Variants in SHROOM1 observed in about 807,000 individuals in gnomAD.
SHROOM1 encodes protein Shroom1.
SHROOM1 carries 53 observed loss-of-function variants against 64.2 expected under a neutral mutation model. The observed-to-expected ratio is 0.83, with a 90% CI of 0.66 to 1.04. The LOEUF (loss-of-function observed/expected upper bound fraction) is 1.04, where lower values mean the gene tolerates loss of function less well. Among genes scored for constraint, SHROOM1 ranks in the 50% least tolerant of loss-of-function variants. SHROOM1 has a pLI of 0.00. For synonymous variants in SHROOM1, 490 were observed against 518.9 expected (o/e 0.94, Z 0.76); for missense variants, 1,179 against 1,163.2 (o/e 1.01, Z -0.20).
At chr5:132,828,077 G>T (rs1237931365) in intron 1 of SHROOM1, among the ~76,000 whole-genome samples, 1 of 152,124 alleles carries the variant, frequency 6.6e-6, no homozygotes, top group Non-Finnish European at 1.5e-5. Flanking sequence ...GGTAGGGAGT[G>T]CAGAGTAGGG....
chr5:132,829,475 C>G (rs1758788805), intron 1 of SHROOM1: 1 of 721,792 alleles, frequency 1.4e-6, no homozygotes, highest in Admixed American at 6.3e-5. Context: ...GGGGAAATAG[C>G]TGAAGACAGT....
Position 132,822,826 on chromosome 5 carries a change from A to G in SHROOM1, c.2529T>C (p.Val843=), listed in dbSNP as rs949129328. The G allele has an allele frequency of 2.5e-6, 4 of 1,611,454 alleles. No individual in the cohort carries two copies. Among genetic ancestry groups the G allele is most frequent in the Non-Finnish European group, 3.4e-6 (4 of 1,179,220 alleles). ...TAAGGAGAAGAGGGAAGGGCGGCTGAACTGGAGGACAGGTCCCTGGGGGCC... is the reference window on the plus strand; with the variant it reads ...TAAGGAGAAGAGGGAAGGGCGGCTGGACTGGAGGACAGGTCCCTGGGGGCC... The part of the protein sequence containing the change: ...PARPPGTCPP[V]QPPFPLLLT Residue 843 remains valine (V), a synonymous_variant, in exon 10 of 10, where the codon GTT becomes GTC. Coordinates refer to ENST00000378679, the MANE Select transcript of SHROOM1 (RefSeq NM_001172700.2).
rs1758805488 is a variant in SHROOM1 at position 132,830,201 on chromosome 5, G to A, written c.-501+393C>T. Reference sequence around the variant, plus strand: ...CCGTCGGGGAAGGATCGCGCGCAGGGGACAGCGCGAGCCCGGGAGGGAAGG... The same window carrying A: ...CCGTCGGGGAAGGATCGCGCGCAGGAGACAGCGCGAGCCCGGGAGGGAAGG... On this transcript the variant is annotated intron_variant, in intron 1 of 9. Coordinates refer to ENST00000378679, the MANE Select transcript of SHROOM1 (RefSeq NM_001172700.2). The surrounding 1 kb of genome is among the most constrained non-coding windows in gnomAD (Gnocchi z 5.9). 6 of 985,276 alleles carry A rather than the reference G, an allele frequency of 6.1e-6. No individual in the cohort carries two copies. Among genetic ancestry groups the A allele is most frequent in the Non-Finnish European group, 7.2e-6 (6 of 829,886 alleles). 61.0% of individuals were successfully genotyped at this position (985,276 alleles called of 1,614,324 possible).
In SHROOM1 at chr5:132,823,172, G is replaced by A. The variant is rs867781375; in HGVS notation, c.2227-44C>T. On this transcript the variant is annotated intron_variant, in intron 9 of 9. Transcript: ENST00000378679. The surrounding 1 kb of genome is among the most constrained non-coding windows in gnomAD (Gnocchi z 4.6). ...GCGCCGTGAGCCGGGTGAGGGCGCC[G>A]CCGCTCCCGGAATGGTTCCAGCCGG... The A allele has an allele frequency of 1.5e-5, 23 of 1,543,676 alleles. No individual in the cohort carries two copies. Among genetic ancestry groups the A allele is most frequent in the Non-Finnish European group, 1.8e-5 (21 of 1,154,284 alleles).
rs760115450 is a variant in SHROOM1, at chr5:132,825,486, G to A, written c.655C>T (p.Arg219Trp). The change falls in exon 4 of 10, where the codon CGG becomes TGG. Residue 219 changes from arginine (R) to tryptophan (W), a missense_variant. Transcript: ENST00000378679. This position sits in a 1 kb window ranked among gnomAD's most constrained non-coding sequence, Gnocchi z 5.1. The stretch of plus-strand genomic sequence containing the variant: ...CCTGGCTCTGAGAAGCACCACTTCC[G>A]CTGCTGGTTGGCGAGGGGACCCCGG... ...AGRGPLANQQ[R>W]KWCFSEPGKL... 3 of 1,524,292 alleles carry A rather than the reference G, an allele frequency of 2.0e-6. No homozygotes were observed. The highest frequency in any genetic ancestry group is 2.6e-6 in the Non-Finnish European group (3 of 1,140,810). The allele number at this position is 1,524,292 out of a possible 1,614,324, so 94.4% of individuals were successfully genotyped here. A position where few individuals can be genotyped will look rare whatever the true frequency, so the allele number is the denominator to read the frequency against.
chr5:132,824,824 G>T lies in SHROOM1; in HGVS notation c.1035-3C>A. On this transcript the variant is annotated splice_polypyrimidine_tract_variant and splice_region_variant and intron_variant, in intron 5 of 9. Transcript: ENST00000378679. ...CAGCCTCTTTCTGAGGCAAGAACCT[G>T]GAGGCAGGGACCCCATAGTGACCAC... The T allele has an allele frequency of 1.2e-6, 2 of 1,614,102 alleles. No individual in the cohort carries two copies. The highest frequency in any genetic ancestry group is 1.7e-6 in the Non-Finnish European group (2 of 1,180,014).
chr5:132,825,175 T>C lies in SHROOM1; in HGVS notation c.966A>G (p.Ile322Met). ...CTGACTTCCATACCTGGACAATGGG[T>C]ATGGTCCCTCCTGATCCTCCCCAGG... ...LGSWGGSGGT[I>M]PIVQAVPQGA... The change falls in exon 4 of 10, where the codon ATA becomes ATG. Residue 322 changes from isoleucine to methionine, a missense_variant. By Grantham distance (10) the Ile-to-Met change is conservative (BLOSUM62 1). Transcript: ENST00000378679. This position sits in a 1 kb window ranked among gnomAD's most constrained non-coding sequence, Gnocchi z 5.1. 6.2e-7 allele frequency: 1 copy of C among 1,614,092 alleles called. No homozygotes were observed. The highest frequency in any genetic ancestry group is 8.5e-7 in the Non-Finnish European group (1 of 1,180,016).
Position 132,826,148 on chromosome 5 carries a change from C to CAGATGAGTGCTGAGGCTGGGTGGCTGCGT in SHROOM1, c.-37_-9dup. ...AGGTCCCAGGGCCTCCATGGCTGCG[C>CAGATGAGTGCTGAGGCTGGGTGGCTGCGT]AGATGAGTGCTGAGGCTGGGTGGCT... On this transcript the variant is annotated 5_prime_UTR_variant, in exon 4 of 10. Transcript: ENST00000378679. 1 of 1,354,416 alleles carries CAGATGAGTGCTGAGGCTGGGTGGCTGCGT rather than the reference C, an allele frequency of 7.4e-7. No homozygotes were observed. Among genetic ancestry groups the CAGATGAGTGCTGAGGCTGGGTGGCTGCGT allele is most frequent in the Non-Finnish European group, 9.5e-7 (1 of 1,054,202 alleles). 83.9% of individuals were successfully genotyped at this position (1,354,416 alleles called of 1,614,324 possible).
In SHROOM1 at chr5:132,826,410, CAG is replaced by C. The variant is rs1672754635; in HGVS notation, c.-178_-177del. The C allele has an allele frequency of 1.7e-6, 1 of 582,018 alleles. No homozygotes were observed. The highest frequency in any genetic ancestry group is 4.5e-5 in the Admixed American group (1 of 22,304). 36.1% of individuals were successfully genotyped at this position (582,018 alleles called of 1,614,324 possible). A position where few individuals can be genotyped will look rare whatever the true frequency, so the allele number is the denominator to read the frequency against. ...ACCTCTGAAGGTTGAGGGCCCAGCT[CAG>C]GGGAAGGAATTGGGACCAGCTCATT... On this transcript the variant is annotated 5_prime_UTR_variant, in exon 3 of 10. The change abolishes the stop of an existing upstream ORF in the 5' untranslated region. Transcript: ENST00000378679.
chr5:132,830,573 T>TCCCCCG lies in SHROOM1; in HGVS notation c.-501+15_-501+20dup. On this transcript the variant is annotated intron_variant, in intron 1 of 9. Transcript: ENST00000378679. This position sits in a 1 kb window ranked among gnomAD's most constrained non-coding sequence, Gnocchi z 5.9. ...GCGGACCCAGCCGCCCGCTTCCCGCTCCCCCGCCCCCGCCGCGTACCTGAG... is the reference window on the plus strand; with the variant it reads ...GCGGACCCAGCCGCCCGCTTCCCGCTCCCCCGCCCCCGCCCCCGCCGCGTACCTGAG... 1 of 981,714 alleles carries TCCCCCG rather than the reference T, an allele frequency of 1.0e-6. No individual in the cohort carries two copies. Among genetic ancestry groups the TCCCCCG allele is most frequent in the African/African-American group, 1.8e-5 (1 of 55,526 alleles). 60.8% of individuals were successfully genotyped at this position (981,714 alleles called of 1,614,324 possible).
chr5:132,825,913 G>A lies in SHROOM1; in HGVS notation c.228C>T (p.Asp76=). 1 of 1,357,702 alleles carries A rather than the reference G, an allele frequency of 7.4e-7. No individual in the cohort carries two copies. Among genetic ancestry groups the A allele is most frequent in the Non-Finnish European group, 9.5e-7 (1 of 1,048,290 alleles). 84.1% of individuals were successfully genotyped at this position (1,357,702 alleles called of 1,614,324 possible). A position where few individuals can be genotyped will look rare whatever the true frequency, so the allele number is the denominator to read the frequency against. ...GCCGCGGGGATGTGCAAAGGGCAGC[G>A]TCGGGCGGGGCGGGGCCCGGGCCGC... The part of the protein sequence containing the change: ...VWGGPGPAPP[D]AALCTSPRPR... The change falls in exon 4 of 10, where the codon GAC becomes GAT. Residue 76 remains aspartate, a synonymous_variant. Transcript: ENST00000378679. This position sits in a 1 kb window ranked among gnomAD's most constrained non-coding sequence, Gnocchi z 5.1.
rs780748884 is a variant in SHROOM1, at chr5:132,824,067, C to T, written c.1594G>A (p.Gly532Ser). The stretch of plus-strand genomic sequence containing the variant: ...TGACTAGGCCATGTGGGCCTGGAAC[C>T]AGGCTGGCCAGTGCCCCTGGCTAGG... ...TALARGTGQP[G>S]SRPTWPSQCL... is the part of the protein sequence containing the mutation. The change falls in exon 7 of 10, where the codon GGT (glycine) becomes AGT (serine). Residue 532 changes from glycine (G) to serine (S), a missense_variant. Physicochemically the swap from Gly to Ser is moderately conservative, Grantham distance 56. Transcript: ENST00000378679. 6.2e-6 allele frequency: 10 copies of T among 1,612,510 alleles called. No individual in the cohort carries two copies. Among genetic ancestry groups the T allele is most frequent in the Non-Finnish European group, 7.6e-6 (9 of 1,179,130 alleles).
In SHROOM1 at chr5:132,825,924, C is replaced by T. The variant is rs2150030943; in HGVS notation, c.217G>A (p.Ala73Thr). Residue 73 changes from alanine (A) to threonine (T), a missense_variant, in exon 4 of 10, where the codon GCC becomes ACC. By Grantham distance (58) the Ala-to-Thr change is moderately conservative (BLOSUM62 0). Coordinates refer to ENST00000378679, the MANE Select transcript of SHROOM1 (RefSeq NM_001172700.2). This position sits in a 1 kb window ranked among gnomAD's most constrained non-coding sequence, Gnocchi z 5.1. ...VRVVWGGPGP[A>T]PPDAALCTSP... ...GTGCAAAGGGCAGCGTCGGGCGGGG[C>T]GGGGCCCGGGCCGCCCCAAACCACA... 2 of 1,371,922 alleles carry T rather than the reference C, an allele frequency of 1.5e-6. No homozygotes were observed. The highest frequency in any genetic ancestry group is 1.7e-5 in the South Asian group (1 of 58,126). The allele number at this position is 1,371,922 out of a possible 1,614,324, so 85.0% of individuals were successfully genotyped here. A position where few individuals can be genotyped will look rare whatever the true frequency, so the allele number is the denominator to read the frequency against.
Position 132,825,077 on chromosome 5 carries a change from G to GA in SHROOM1, c.979-5dup. 6.2e-7 allele frequency: 1 copy of GA among 1,614,112 alleles called. No individual in the cohort carries two copies. Among genetic ancestry groups the GA allele is most frequent in the South Asian group, 1.1e-5 (1 of 91,076 alleles). The stretch of plus-strand genomic sequence containing the variant: ...TTTCTGCTCCTTGGGGAACAGCCTG[G>GA]AAGGGTGAACAGTCGACTGAAATGT... On this transcript the variant is annotated splice_polypyrimidine_tract_variant and splice_region_variant and intron_variant, in intron 4 of 9. Transcript: ENST00000378679. The surrounding 1 kb of genome is among the most constrained non-coding windows in gnomAD (Gnocchi z 5.1).
Position 132,825,780 on chromosome 5 carries a change from C to T in SHROOM1, c.361G>A (p.Glu121Lys). ...ATPLLYALAAEAEAAAQAAEP... is the reference protein window; with the variant it reads ...ATPLLYALAAKAEAAAQAAEP... ...GCAGCCTGCGCCGCGGCCTCCGCCTCGGCCGCCAGCGCGTACAGCAGCGGG... is the reference window on the plus strand; with the variant it reads ...GCAGCCTGCGCCGCGGCCTCCGCCTTGGCCGCCAGCGCGTACAGCAGCGGG... The change falls in exon 4 of 10, where the codon GAG becomes AAG. Residue 121 changes from glutamate (E) to lysine (K), a missense_variant. Coordinates refer to ENST00000378679, the MANE Select transcript of SHROOM1 (RefSeq NM_001172700.2). The surrounding 1 kb of genome is among the most constrained non-coding windows in gnomAD (Gnocchi z 5.1). 1 of 1,242,874 alleles carries T rather than the reference C, an allele frequency of 8.0e-7. No homozygotes were observed. The highest frequency in any genetic ancestry group is 1.6e-5 in the African/African-American group (1 of 64,104). 77.0% of individuals were successfully genotyped at this position (1,242,874 alleles called of 1,614,324 possible).
rs771012320 is a variant in SHROOM1, at chr5:132,823,175, G to C, written c.2227-47C>G. Reference sequence around the variant, plus strand: ...CCGTGAGCCGGGTGAGGGCGCCGCCGCTCCCGGAATGGTTCCAGCCGGAGA... The same window carrying C: ...CCGTGAGCCGGGTGAGGGCGCCGCCCCTCCCGGAATGGTTCCAGCCGGAGA... On this transcript the variant is annotated intron_variant, in intron 9 of 9. Coordinates refer to ENST00000378679, the MANE Select transcript of SHROOM1 (RefSeq NM_001172700.2). This position sits in a 1 kb window ranked among gnomAD's most constrained non-coding sequence, Gnocchi z 4.6. The C allele has an allele frequency of 6.5e-7, 1 of 1,545,138 alleles. No individual in the cohort carries two copies. Among genetic ancestry groups the C allele is most frequent in the South Asian group, 1.2e-5 (1 of 81,760 alleles).
Position 132,825,233 on chromosome 5 carries a change from C to T in SHROOM1, c.908G>A (p.Arg303Gln). 1.2e-6 allele frequency: 2 copies of T among 1,614,020 alleles called. No homozygotes were observed. The highest frequency in any genetic ancestry group is 8.5e-7 in the Non-Finnish European group (1 of 1,180,022). The stretch of plus-strand genomic sequence containing the variant: ...GACTTCGCCTGAAGCGCTCCGACTC[C>T]GACTGGCGGGCCTGAAGGCATCACC... ...KLGDAFRPAS[R>Q]SRSASGEVLG... The change falls in exon 4 of 10, where the codon CGG becomes CAG. Residue 303 changes from arginine (R) to glutamine (Q), a missense_variant. By Grantham distance (43) the Arg-to-Gln change is conservative. Transcript: ENST00000378679. The surrounding 1 kb of genome is among the most constrained non-coding windows in gnomAD (Gnocchi z 5.1).
chr5:132,825,380 C>T lies in SHROOM1; in HGVS notation c.761G>A (p.Gly254Glu). 6.3e-7 allele frequency: 1 copy of T among 1,597,200 alleles called. No homozygotes were observed. The highest frequency in any genetic ancestry group is 1.1e-5 in the South Asian group (1 of 90,486). ...ATGCTGGAACTCCAAGGGCTCGGGC[C>T]CAGGGAGGCCAGAGCTGGAGCAGGC... is the stretch of plus-strand genomic sequence containing the variant. ...GEACSSSGLP[G>E]PEPLEFQHPA... Residue 254 changes from glycine to glutamate, a missense_variant, in exon 4 of 10, where the codon GGG (glycine) becomes GAG (glutamate). Physicochemically the swap from Gly to Glu is moderately conservative, Grantham distance 98. Transcript: ENST00000378679. This position sits in a 1 kb window ranked among gnomAD's most constrained non-coding sequence, Gnocchi z 5.1.
At position 132,823,732 on chromosome 5, in the gene SHROOM1, G is replaced by A. The variant is rs760676021; in HGVS notation, c.1844C>T (p.Pro615Leu). 19 of 1,605,398 alleles carry A rather than the reference G, an allele frequency of 1.2e-5. No individual in the cohort carries two copies. The highest frequency in any genetic ancestry group is 5.1e-5 in the Admixed American group (3 of 58,864). Residue 615 changes from proline to leucine, a missense_variant, in exon 8 of 10, where the codon CCG (proline) becomes CTG (leucine). Transcript: ENST00000378679. The surrounding 1 kb of genome is among the most constrained non-coding windows in gnomAD (Gnocchi z 4.6). ...AAGCCTTGTCTCCTCCCGAGGAGCC[G>A]GCAGGAGCTGGGTGAAGCTGAACTG... ...SYQFSFTQLL[P>L]APREETRLEN...
Sources: gnomAD v4.1 joint callset for allele counts (sites outside exome capture counted in the v4.1 genomes callset) on GRCh38, gnomAD v4.1.1 for gene constraint, Gnocchi (gnomAD v3.1) non-coding constraint, MANE v1.5 for transcripts, NCBI Gene and HGNC (gene_info 2026-07-23, HGNC 2026-07-21) for gene names.